Variants in DNAH12 observed in about 807,000 individuals in gnomAD.
DNAH12 encodes the protein axonemal beta dynein heavy chain 12.
A neutral mutation model predicts 371.5 loss-of-function variants in DNAH12; 285 were observed. The ratio of observed to expected loss-of-function variants is 0.77; its 90% CI spans 0.70 to 0.85. DNAH12 has a LOEUF of 0.85. DNAH12 is among the 40% of genes least tolerant of loss of function. DNAH12 has a pLI of 0.00. For missense variants in DNAH12, 3,611 were observed against 3,689.4 expected (o/e 0.98, Z 0.55); for synonymous variants, 1,200 against 1,213.0 (o/e 0.99, Z 0.22).
intron 2 of DNAH12, among the ~76,000 whole-genome samples, chr3:57,535,342 G>A (rs942723913): frequency 6.6e-6 from 1 of 152,142 alleles, no homozygotes; most frequent in Admixed American, 6.6e-5. Flanking sequence ...TATCAAAGAA[G>A]TGGGCTCATT....
chr3:57,537,030 G>A (rs569337645), intron 2 of DNAH12, among the ~76,000 whole-genome samples: 8 of 93,638 alleles, frequency 8.5e-5, no homozygotes, highest in Admixed American at 7.5e-4. Flanking sequence ...TCATCTCTAC[G>A]AAAAAATACA....
chr3:57,463,315 T>A (rs900080528), intron 17 of DNAH12, among the ~76,000 whole-genome samples: 15 of 151,876 alleles, frequency 9.9e-5, no homozygotes, highest in Admixed American at 7.9e-4. Context: ...AAATTCAAAT[T>A]CATTATATAT....
chr3:57,404,588 C>T (rs547837296), intron 42 of DNAH12, among the ~76,000 whole-genome samples: 10 of 152,134 alleles, frequency 6.6e-5, no homozygotes, highest in Middle Eastern at 3.4e-3. Context: ...GGCATGCCGG[C>T]GCATGCCTGT....
At chr3:57,384,338 T>C (rs1322905370) in intron 49 of DNAH12, among the ~76,000 whole-genome samples, 6 of 151,790 alleles carry the variant, frequency 4.0e-5, no homozygotes, top group Non-Finnish European at 7.4e-5. Flanking sequence ...ATAAATAATA[T>C]ATAAAAAGCA....
At chr3:57,298,268 T>C (rs1268794210) in intron 70 of DNAH12, among the ~76,000 whole-genome samples, 1 of 152,232 alleles carries the variant, frequency 6.6e-6, no homozygotes. Flanking sequence ...AATGGACATG[T>C]GACCCAATCA....
At chr3:57,437,683 T>G (rs972306875) in intron 29 of DNAH12, among the ~76,000 whole-genome samples, 2 of 152,192 alleles carry the variant, frequency 1.3e-5, no homozygotes, top group Non-Finnish European at 2.9e-5. Context: ...AGATTTGAAT[T>G]TGGAGAAGCC....
chr3:57,410,480 A>G (rs1227727049), intron 39 of DNAH12, among the ~76,000 whole-genome samples: 1 of 152,006 alleles, frequency 6.6e-6, no homozygotes, highest in Non-Finnish European at 1.5e-5. Flanking sequence ...CTCTTCTCAG[A>G]CCTTCCTATT....
At position 57,322,479 on chromosome 3, in the gene DNAH12, G is replaced by A. The variant is rs2061830134; in HGVS notation, c.10388C>T (p.Pro3463Leu). 1.3e-6 allele frequency: 2 copies of A among 1,551,118 alleles called. No individual in the cohort carries two copies. The highest frequency in any genetic ancestry group is 2.0e-5 in the Admixed American group (1 of 50,824). Residue 3463 changes from proline (P) to leucine (L), a missense_variant, in exon 65 of 74, where the codon CCA (proline) becomes CTA (leucine). By Grantham distance (98) the Pro-to-Leu change is moderately conservative. Transcript: ENST00000495027. ...TACTCCATTCTGTAGAATTGTTACT[G>A]GGAACTAAGACAAAATAAATGGAGA... ...WLTSYPSSKFPVTILQNGVKM... is the reference protein window; with the variant it reads ...WLTSYPSSKFLVTILQNGVKM...
chr3:57,401,770 C>T (rs978089826), intron 43 of DNAH12, among the ~76,000 whole-genome samples: 9 of 151,670 alleles, frequency 5.9e-5, no homozygotes, highest in Non-Finnish European at 1.3e-4. Context: ...AGAGAAGACT[C>T]AAATAACAAA....
chr3:57,517,952 G>T (rs2068259423), intron 4 of DNAH12, among the ~76,000 whole-genome samples: 1 of 152,118 alleles, frequency 6.6e-6, no homozygotes, highest in Admixed American at 6.5e-5. Flanking sequence ...TCCTCGGGAG[G>T]CTGAGGCTAA....
intron 55 of DNAH12, among the ~76,000 whole-genome samples, chr3:57,373,469 C>G (rs1251187436): frequency 1.4e-5 from 2 of 147,588 alleles, no homozygotes; most frequent in African/African-American, 5.1e-5. Context: ...TGCACACCAC[C>G]ACACCTGGCT....
intron 29 of DNAH12, among the ~76,000 whole-genome samples, chr3:57,438,246 G>T (rs1369714487): frequency 6.6e-6 from 1 of 152,180 alleles, no homozygotes; most frequent in Non-Finnish European, 1.5e-5. Flanking sequence ...GGGAGGTGGA[G>T]CTTGCAGTGA....
At position 57,511,922 on chromosome 3, in the gene DNAH12, G is replaced by A. The variant is rs560037552; in HGVS notation, c.280-943C>T. Among the ~76,000 whole-genome samples the A allele has an allele frequency of 2.6e-5, 4 of 151,892 alleles. 1 individual carries two copies. Among genetic ancestry groups the A allele is most frequent in the African/African-American group, 7.2e-5 (3 of 41,424 alleles). ...CACCATACATAAGAACAAACTCCAGGATTTAACTTAAACAATGAAACTATA... is the reference window on the plus strand; with the variant it reads ...CACCATACATAAGAACAAACTCCAGAATTTAACTTAAACAATGAAACTATA... On this transcript the variant is annotated intron_variant, in intron 4 of 73. Coordinates refer to ENST00000495027, the MANE Select transcript of DNAH12 (RefSeq NM_001366028.2).
At chr3:57,346,196 CA>C in intron 60 of DNAH12, among the ~76,000 whole-genome samples, 1 of 151,804 alleles carries the variant, frequency 6.6e-6, no homozygotes, top group East Asian at 1.9e-4. Flanking sequence ...TTAAAAGATA[CA>C]AAAATGAAAA....
Position 57,323,227 on chromosome 3 carries a change from G to GACAT in DNAH12, c.10159_10162dup (p.Ser3388TyrfsTer5), listed in dbSNP as rs1458310297. 6.4e-7 allele frequency: 1 copy of GACAT among 1,551,840 alleles called. No homozygotes were observed. The highest frequency in any genetic ancestry group is 1.2e-5 in the South Asian group (1 of 84,040). ...TGAAATAGCTTGAAACTTATTTCCA[G>GACAT]ACATAGATTTATCATTTGCAAATTT... is the stretch of plus-strand genomic sequence containing the variant. On this transcript the variant is annotated frameshift_variant, in exon 64 of 74. Coordinates refer to ENST00000495027, the MANE Select transcript of DNAH12 (RefSeq NM_001366028.2). LOFTEE classifies it high-confidence loss of function.
intron 37 of DNAH12, among the ~76,000 whole-genome samples, chr3:57,418,539 C>CAAAAA (rs779250987): frequency 3.0e-5 from 3 of 100,904 alleles, no homozygotes; most frequent in African/African-American, 1.1e-4. Context: ...GACCCTGTCT[C>CAAAAA]AAAAAAAAAA....
chr3:57,420,726 G>A (rs1165618719), intron 36 of DNAH12, among the ~76,000 whole-genome samples: 2 of 151,818 alleles, frequency 1.3e-5, no homozygotes, highest in Non-Finnish European at 2.9e-5. Flanking sequence ...TGGCTAACAC[G>A]GTGAAACCCC....
intron 2 of DNAH12, among the ~76,000 whole-genome samples, chr3:57,541,909 C>T (rs1010663126): frequency 1.3e-5 from 2 of 151,676 alleles, no homozygotes; most frequent in Non-Finnish European, 2.9e-5. Flanking sequence ...ATAAGGCCGA[C>T]CAAGAAAGGA....
At chr3:57,442,814 T>G (rs2065349979) in intron 29 of DNAH12, among the ~76,000 whole-genome samples, 2 of 152,186 alleles carry the variant, frequency 1.3e-5, no homozygotes, top group African/African-American at 4.8e-5. Flanking sequence ...TATTTGAGCA[T>G]AAGAATTTAA....
Sources: allele counts gnomAD v4.1 joint callset (sites outside exome capture counted in the v4.1 genomes callset), GRCh38; gene constraint gnomAD v4.1.1; transcripts MANE v1.5; gene names NCBI Gene and HGNC (gene_info 2026-07-23, HGNC 2026-07-21).